BNC2: variants seen among roughly 807,000 people sequenced by gnomAD.
BNC2 encodes basonuclin zinc finger protein 2.
BNC2 carries 20 observed loss-of-function variants against 76.3 expected under a neutral mutation model. The ratio of observed to expected loss-of-function variants is 0.26; its 90% CI spans 0.18 to 0.38. BNC2 has a LOEUF of 0.38. BNC2 is among the 10% of genes least tolerant of loss of function. The pLI is 1.00. For synonymous variants in BNC2, 582 were observed against 514.8 expected (o/e 1.13, Z -1.77); for missense variants, 1,382 against 1,399.8 (o/e 0.99, Z 0.20).
chr9:16,524,832 G>C (rs10962473), intron 5 of BNC2, among the ~76,000 whole-genome samples: 35,285 of 152,080 alleles, frequency 0.23, 4,779 homozygotes, highest in Non-Finnish European at 0.3. Context: ...CCAGCACTTT[G>C]GGAGGCCAAG....
chr9:16,853,594 C>A (rs1819181305), intron 1 of BNC2, among the ~76,000 whole-genome samples: 1 of 152,110 alleles, frequency 6.6e-6, no homozygotes, highest in South Asian at 2.1e-4. Flanking sequence ...CAGCTGGGCG[C>A]TGTGGCTCGC....
chr9:16,606,088 A>G (rs1045035286), intron 3 of BNC2, among the ~76,000 whole-genome samples: 7 of 152,144 alleles, frequency 4.6e-5, no homozygotes, highest in Non-Finnish European at 7.3e-5. Context: ...TGCTGCTAGA[A>G]CAGAAAATAA....
At chr9:16,667,678 A>G (rs376626177) in intron 3 of BNC2, among the ~76,000 whole-genome samples, 37 of 152,336 alleles carry the variant, frequency 2.4e-4, no homozygotes, top group African/African-American at 8.9e-4. Flanking sequence ...TTTGAAACCA[A>G]AACATTTACC....
chr9:16,818,713 G>C (rs979226695), intron 1 of BNC2, among the ~76,000 whole-genome samples: 5 of 151,748 alleles, frequency 3.3e-5, no homozygotes, highest in Non-Finnish European at 5.9e-5. Flanking sequence ...GTTGTTTTGA[G>C]ATGAGGTCTC....
At chr9:16,492,226 T>G (rs149388043) in intron 5 of BNC2, among the ~76,000 whole-genome samples, 10 of 152,218 alleles carry the variant, frequency 6.6e-5, no homozygotes, top group African/African-American at 2.2e-4. Context: ...GAGGATTGGA[T>G]GATTCTACAC....
chr9:16,618,860 A>G (rs1298376360), intron 3 of BNC2, among the ~76,000 whole-genome samples: 2 of 152,222 alleles, frequency 1.3e-5, no homozygotes, highest in East Asian at 3.9e-4. Context: ...CTGAAGCTCT[A>G]AGAAAAGGCG....
chr9:16,824,452 A>C (rs1053620334), intron 1 of BNC2, among the ~76,000 whole-genome samples: 1 of 152,194 alleles, frequency 6.6e-6, no homozygotes, highest in Non-Finnish European at 1.5e-5. Flanking sequence ...ACTACAAGAA[A>C]ATAAAGGGAG....
In BNC2 at chr9:16,869,976, T is replaced by C. The variant is rs146704940; in HGVS notation, c.3+670A>G. ...GTAAAACAAATCGGCTCCTATAGAATTGCACTTCGAAAAGAGCCGTCTCTG... is the reference window on the plus strand; with the variant it reads ...GTAAAACAAATCGGCTCCTATAGAACTGCACTTCGAAAAGAGCCGTCTCTG... On this transcript the variant is annotated intron_variant, in intron 1 of 6. Coordinates refer to ENST00000380672, the MANE Select transcript of BNC2 (RefSeq NM_017637.6). Among the ~76,000 whole-genome samples, 1,154 of 152,240 alleles carry C rather than the reference T, an allele frequency of 7.6e-3. 12 individuals carry two copies. Among genetic ancestry groups the C allele is most frequent in the African/African-American group, 0.026 (1,098 of 41,544 alleles).
chr9:16,455,231 T>C (rs1821420965), intron 5 of BNC2, among the ~76,000 whole-genome samples: 1 of 152,058 alleles, frequency 6.6e-6, no homozygotes, highest in Admixed American at 6.6e-5. Flanking sequence ...CTGGCCAGAG[T>C]TTGAGATATA....
chr9:16,846,139 CA>C (rs35798416), intron 1 of BNC2, among the ~76,000 whole-genome samples: 33,289 of 109,478 alleles, frequency 0.3, 4,334 homozygotes, highest in African/African-American at 0.47. Flanking sequence ...GACACCGTCT[CA>C]AAAAAAAAAA....
At chr9:16,687,327 G>A (rs1823008563) in intron 3 of BNC2, among the ~76,000 whole-genome samples, 1 of 152,122 alleles carries the variant, frequency 6.6e-6, no homozygotes, top group African/African-American at 2.4e-5. Flanking sequence ...CCGAAATCAA[G>A]ACCTGCTACC....
At position 16,437,183 on chromosome 9, in the gene BNC2, C is replaced by T; in HGVS notation, c.1011G>A (p.Gly337=). The T allele has an allele frequency of 6.2e-7, 1 of 1,614,094 alleles. No individual in the cohort carries two copies. Among genetic ancestry groups the T allele is most frequent in the Non-Finnish European group, 8.5e-7 (1 of 1,180,020 alleles). The change falls in exon 6 of 7, where the codon GGG becomes GGA. Residue 337 remains glycine (G), a synonymous_variant. Coordinates refer to ENST00000380672, the MANE Select transcript of BNC2 (RefSeq NM_017637.6). ...YINPVSAPLL[G]LPPNGLLLEQ... ...CTAACAGTAGCCCATTTGGAGGCAA[C>T]CCTAGCAGTGGTGCTGAGACAGGGT... is the stretch of plus-strand genomic sequence containing the variant.
intron 4 of BNC2, among the ~76,000 whole-genome samples, chr9:16,558,166 A>G (rs1158827019): frequency 3.3e-5 from 5 of 152,160 alleles, no homozygotes; most frequent in African/African-American, 9.7e-5. Context: ...TATTTCATAG[A>G]ACTGAATACT....
At chr9:16,597,664 T>C (rs140523982) in intron 3 of BNC2, among the ~76,000 whole-genome samples, 152 of 152,282 alleles carry the variant, frequency 1.0e-3, no homozygotes, top group East Asian at 3.1e-3. Context: ...TGGACACAAA[T>C]AGACATATAT....
chr9:16,579,121 C>G (rs984189658), intron 4 of BNC2, among the ~76,000 whole-genome samples: 4 of 151,984 alleles, frequency 2.6e-5, no homozygotes, highest in African/African-American at 9.7e-5. Flanking sequence ...TGGGAAATAC[C>G]TACTGGTATT....
At chr9:16,739,921 G>T (rs767115467) in intron 1 of BNC2, among the ~76,000 whole-genome samples, 1 of 152,168 alleles carries the variant, frequency 6.6e-6, no homozygotes, top group East Asian at 1.9e-4. Context: ...GGGAACAGCA[G>T]ATCATGCAGA....
chr9:16,612,129 G>A (rs1820566130), intron 3 of BNC2, among the ~76,000 whole-genome samples: 1 of 150,966 alleles, frequency 6.6e-6, no homozygotes, highest in Non-Finnish European at 1.5e-5. Context: ...GCAACAAAGT[G>A]TTATATGCAA....
chr9:16,762,448 C>T (rs1239085029), intron 1 of BNC2, among the ~76,000 whole-genome samples: 2 of 152,080 alleles, frequency 1.3e-5, no homozygotes, highest in Non-Finnish European at 2.9e-5. Flanking sequence ...TGAATCAAAG[C>T]CCACAATCCA....
At chr9:16,575,981 T>C (rs963714173) in intron 4 of BNC2, among the ~76,000 whole-genome samples, 27 of 152,160 alleles carry the variant, frequency 1.8e-4, no homozygotes, top group Admixed American at 3.3e-4. Flanking sequence ...TCCAAACGAG[T>C]GCACCAAGGG....
Sources: allele counts gnomAD v4.1 joint callset (sites outside exome capture counted in the v4.1 genomes callset), GRCh38; gene constraint gnomAD v4.1.1; transcripts MANE v1.5; gene names NCBI Gene and HGNC (gene_info 2026-07-23, HGNC 2026-07-21).